Variants in ZNF83 observed in about 807,000 individuals in gnomAD.
The protein encoded by ZNF83 is zinc finger protein 816B.
For synonymous variants in ZNF83, 209 were observed against 213.0 expected (o/e 0.98, Z 0.17); for missense variants, 552 against 629.9 (o/e 0.88, Z 1.32).
chr19:52,670,193 T>C (rs2061705704), intron 1 of ZNF83, among the ~76,000 whole-genome samples: 1 of 151,994 alleles, frequency 6.6e-6, no homozygotes. Flanking sequence ...TGACTCATTC[T>C]GATCACCTGC....
chr19:52,616,423 A>T (rs1373547190), intron 2 of ZNF83, among the ~76,000 whole-genome samples: 1 of 152,232 alleles, frequency 6.6e-6, no homozygotes, highest in African/African-American at 2.4e-5. Flanking sequence ...GCACATGCAC[A>T]TGTATGTTTC....
rs766361238 is a variant in ZNF83, at chr19:52,613,159, C to G, written c.1406G>C (p.Arg469Pro). Residue 469 changes from arginine (R) to proline (P), a missense_variant, in exon 3 of 3, where the codon CGT (arginine) becomes CCT (proline). By Grantham distance (103) the Arg-to-Pro change is moderately radical. Transcript: ENST00000301096. The stretch of plus-strand genomic sequence containing the variant: ...CGCATGATGATTAGTGAGGCTTGAA[C>G]GCATACTAAAAGCTTTGCCACATTC... 1.5e-4 allele frequency: 248 copies of G among 1,612,124 alleles called. No individual in the cohort carries two copies. The highest frequency in any genetic ancestry group is 2.0e-4 in the Non-Finnish European group (237 of 1,179,452).
chr19:52,635,534 A>G (rs575571526), intron 1 of ZNF83: 6 of 155,590 alleles, frequency 3.9e-5, no homozygotes, highest in Admixed American at 3.2e-4. Flanking sequence ...AGCCTGGGCA[A>G]CATGGTGAAA....
chr19:52,689,196 T>C (rs139944011), intron 1 of ZNF83, among the ~76,000 whole-genome samples: 2,869 of 152,300 alleles, frequency 0.019, 37 homozygotes, highest in Middle Eastern at 0.044. Context: ...AAAACCCTGC[T>C]CTGTCTTTGT....
chr19:52,640,578 T>G (rs1348155769), upstream of ZNF83, among the ~76,000 whole-genome samples: 10 of 152,116 alleles, frequency 6.6e-5, no homozygotes, highest in South Asian at 2.1e-4. Context: ...CGCCCAGTGG[T>G]GCAATCTCAG....
intron 1 of ZNF83, among the ~76,000 whole-genome samples, chr19:52,670,118 G>A (rs1324929617): frequency 8.6e-5 from 13 of 151,014 alleles, no homozygotes; most frequent in Non-Finnish European, 2.9e-5. Context: ...CCAATCACCT[G>A]CTCCACCTTG....
intron 2 of ZNF83, among the ~76,000 whole-genome samples, chr19:52,631,840 C>G (rs1089765): frequency 7.0e-6 from 1 of 143,064 alleles, no homozygotes; most frequent in Non-Finnish European, 1.6e-5. Flanking sequence ...CCTCTTAGAA[C>G]CTCTCATTTC....
chr19:52,681,517 A>G (rs956895118), intron 1 of ZNF83, among the ~76,000 whole-genome samples: 1 of 152,170 alleles, frequency 6.6e-6, no homozygotes, highest in Non-Finnish European at 1.5e-5. Context: ...TGTGCTATAC[A>G]CTGTTCTAAG....
chr19:52,628,843 G>T (rs1399462039), intron 2 of ZNF83, among the ~76,000 whole-genome samples: 2 of 147,310 alleles, frequency 1.4e-5, no homozygotes, highest in Non-Finnish European at 3.0e-5. Flanking sequence ...TTATTTCCAT[G>T]CCCCAACCTC....
At position 52,627,999 on chromosome 19, in the gene ZNF83, G is replaced by A. The variant is rs57246309; in HGVS notation, c.-234+7067C>T. ...CAAAAGCTCCCCCACTGAGTACGTT[G>A]TGACACCCACTCCTGCCCACCAGAG... On this transcript the variant is annotated intron_variant, in intron 2 of 2. Coordinates refer to ENST00000301096, the Ensembl canonical transcript of ZNF83. Among the ~76,000 whole-genome samples the A allele has an allele frequency of 9.1e-3, 1,380 of 152,082 alleles. 24 individuals carry two copies. The highest frequency in any genetic ancestry group is 0.031 in the African/African-American group (1,280 of 41,474).
intron 1 of ZNF83, among the ~76,000 whole-genome samples, chr19:52,685,604 A>G (rs1244603008): frequency 6.6e-6 from 1 of 152,120 alleles, no homozygotes; most frequent in Non-Finnish European, 1.5e-5. Flanking sequence ...TTCAATCAAG[A>G]ATATATGGGT....
rs549530184 is a variant in ZNF83, at chr19:52,614,323, G to A, written c.242C>T (p.Thr81Ile). The stretch of plus-strand genomic sequence containing the variant: ...CCCAATATTTGCTTTCTCTTTTTGT[G>A]TGAATAATGAATCCACAAAATTACA... The change falls in exon 3 of 3, where the codon ACA becomes ATA. Residue 81 changes from threonine to isoleucine, a missense_variant. Physicochemically the swap from Thr to Ile is moderately conservative, Grantham distance 89. Transcript: ENST00000301096. 56 of 1,613,236 alleles carry A rather than the reference G, an allele frequency of 3.5e-5. 1 individual carries two copies. The South Asian group carries it at 5.9e-4, about 17-fold the overall frequency.
intron 1 of ZNF83, among the ~76,000 whole-genome samples, chr19:52,680,163 G>A (rs533961629): frequency 5.9e-5 from 9 of 152,246 alleles, no homozygotes; most frequent in East Asian, 3.9e-4. Flanking sequence ...TGGACAACAA[G>A]AGGGAAACTG....
intron 2 of ZNF83, among the ~76,000 whole-genome samples, chr19:52,625,826 C>G (rs1206926931): frequency 1.3e-5 from 2 of 152,128 alleles, no homozygotes; most frequent in African/African-American, 4.8e-5. Context: ...TGAACCTCCC[C>G]CTCTACACAG....
At chr19:52,660,813 C>A in exon 2 of ZNF83, 1 of 204,854 alleles carries the variant, frequency 4.9e-6, no homozygotes, top group Non-Finnish European at 1.1e-5. Context: ...TGGTGGCTTT[C>A]TCATGTAACA....
intron 2 of ZNF83, among the ~76,000 whole-genome samples, chr19:52,629,329 T>A (rs1237878186): frequency 6.6e-6 from 1 of 152,086 alleles, no homozygotes; most frequent in Non-Finnish European, 1.5e-5. Flanking sequence ...CCAGTGCAAC[T>A]CATCCCAAAT....
chr19:52,620,254 C>G (rs865853066), intron 2 of ZNF83, among the ~76,000 whole-genome samples: 5 of 134,444 alleles, frequency 3.7e-5, no homozygotes, highest in African/African-American at 1.1e-4. Context: ...GTGTGTATAT[C>G]TGTGTGTGTA....
At chr19:52,617,557 C>G (rs2060356100) in intron 2 of ZNF83, 1 of 152,022 alleles carries the variant, frequency 6.6e-6, no homozygotes, top group South Asian at 2.1e-4. Flanking sequence ...ATGGTGAAAC[C>G]CTGTCTCTAC....
intron 1 of ZNF83, among the ~76,000 whole-genome samples, chr19:52,689,678 C>T (rs1390152047): frequency 2.6e-5 from 4 of 152,064 alleles, no homozygotes; most frequent in African/African-American, 7.3e-5. Context: ...AATCCCTCAC[C>T]CATCCTCTAC....
Sources: gnomAD v4.1 joint callset for allele counts (sites outside exome capture counted in the v4.1 genomes callset) on GRCh38, gnomAD v4.1.1 for gene constraint, MANE v1.5 for transcripts, NCBI Gene and HGNC (gene_info 2026-07-23, HGNC 2026-07-21) for gene names.